The following GLIS1 variants were observed in gnomAD, a reference collection of about 807,000 sequenced individuals.
The protein encoded by GLIS1 is GLIS family zinc finger 1, also known as zinc finger protein GLIS1.
GLIS1 carries 24 observed loss-of-function variants against 63.8 expected under a neutral mutation model. The ratio of observed to expected loss-of-function variants is 0.38; its 90% confidence interval spans 0.27 to 0.53. The LOEUF is 0.53. GLIS1 is among the 20% of genes least tolerant of loss of function. GLIS1 has a pLI of 0.85. For synonymous variants in GLIS1, 450 were observed against 482.5 expected (o/e 0.93, Z 0.88); for missense variants, 1,036 against 1,074.1 (o/e 0.96, Z 0.50).
At chr1:53,683,542 G>A (rs144624509) in intron 2 of GLIS1, among the ~76,000 whole-genome samples, 25 of 152,220 alleles carry the variant, frequency 1.6e-4, no homozygotes, top group African/African-American at 5.5e-4. Context: ...GAGTTCTCAC[G>A]TGGATCACAC....
At chr1:53,666,477 C>A (rs539741806) in intron 2 of GLIS1, among the ~76,000 whole-genome samples, 32 of 152,098 alleles carry the variant, frequency 2.1e-4, no homozygotes, top group Non-Finnish European at 4.3e-4. Context: ...TTTAGAGTCC[C>A]CAAATTCCAG....
chr1:53,578,617 T>G (rs138710826), intron 4 of GLIS1, among the ~76,000 whole-genome samples: 8 of 152,246 alleles, frequency 5.3e-5, no homozygotes, highest in Admixed American at 4.6e-4. Flanking sequence ...TATCAACAAG[T>G]TGCCCTCTTT....
chr1:53,507,774 G>A (rs531184784), intron 10 of GLIS1, among the ~76,000 whole-genome samples: 2 of 152,252 alleles, frequency 1.3e-5, no homozygotes, highest in East Asian at 1.9e-4. Context: ...GGCCGGGGTG[G>A]GGTGTGGAAG....
intron 2 of GLIS1, among the ~76,000 whole-genome samples, chr1:53,649,152 T>G (rs1645878942): frequency 6.6e-6 from 1 of 152,218 alleles, no homozygotes; most frequent in African/African-American, 2.4e-5. Flanking sequence ...ATGCATAAAA[T>G]GTATGTAGAT....
Position 53,539,487 on chromosome 1 carries a change from C to T in GLIS1, c.1321-9535G>A, listed in dbSNP as rs538684684. Among the ~76,000 whole-genome samples the T allele has an allele frequency of 1.2e-4, 18 of 150,558 alleles. No individual in the cohort carries two copies. Among genetic ancestry groups the T allele is most frequent in the Middle Eastern group, 3.4e-3 (1 of 290 alleles). On this transcript the variant is annotated intron_variant, in intron 4 of 10. Transcript: ENST00000628545. The surrounding 1 kb of genome is among the most constrained non-coding windows in gnomAD (Gnocchi z 5.0). ...ATACACATCATACCTCCCACACACA[C>T]GTACCACACCCCCAACATACACACA...
intron 2 of GLIS1, among the ~76,000 whole-genome samples, chr1:53,672,378 G>A (rs895201987): frequency 3.9e-5 from 6 of 152,218 alleles, no homozygotes; most frequent in Admixed American, 3.9e-4. Context: ...ACTCAGAGCT[G>A]TATGGAGTTC....
At chr1:53,678,624 T>G (rs55888542) in intron 2 of GLIS1, among the ~76,000 whole-genome samples, 2 of 151,924 alleles carry the variant, frequency 1.3e-5, no homozygotes, top group African/African-American at 4.8e-5. Context: ...GTACCAACAG[T>G]CACCATGACT....
At chr1:53,645,412 G>A (rs1253852545) in intron 2 of GLIS1, among the ~76,000 whole-genome samples, 1 of 152,198 alleles carries the variant, frequency 6.6e-6, no homozygotes, top group Admixed American at 6.5e-5. Context: ...GGAAGAAGAT[G>A]TTGGTCTATT....
chr1:53,647,853 C>T (rs1645862917), intron 2 of GLIS1, among the ~76,000 whole-genome samples: 1 of 152,008 alleles, frequency 6.6e-6, no homozygotes, highest in South Asian at 2.1e-4. Flanking sequence ...AGATCTTCTA[C>T]ACGAAAAAAG....
rs1447900047 is a variant in GLIS1, at chr1:53,738,033, T to C, written c.32A>G (p.Asp11Gly). 6.5e-6 allele frequency: 8 copies of C among 1,230,562 alleles called. No homozygotes were observed. The highest frequency in any genetic ancestry group is 6.1e-6 in the Non-Finnish European group (6 of 987,282). 76.2% of individuals were successfully genotyped at this position (1,230,562 alleles called of 1,614,324 possible). The change falls in exon 2 of 11, where the codon GAC (aspartate) becomes GGC (glycine). Residue 11 changes from aspartate to glycine, a missense_variant. Physicochemically the swap from Asp to Gly is moderately conservative, Grantham distance 94. Around this residue, in one of 3 missense-constraint regions of GLIS1, gnomAD observed 592 missense variants for 593.9 expected, o/e 1.00. Coordinates refer to ENST00000628545, the MANE Select transcript of GLIS1 (RefSeq NM_001367484.1). ...ACCAGGGGCCTCCTTAGGCCTCTTG[T>C]CCGAGTGTGCCTCAGCCACCTCGCA... MHCEVAEAHSDKRPKEAPGAP... is the reference protein window; with the variant it reads MHCEVAEAHSGKRPKEAPGAP...
intron 2 of GLIS1, among the ~76,000 whole-genome samples, chr1:53,632,967 T>TGA (rs1645679125): frequency 7.4e-6 from 1 of 135,922 alleles, no homozygotes; most frequent in African/African-American, 2.8e-5. Context: ...GGCGTGTATA[T>TGA]GTGTGACCGA....
intron 2 of GLIS1, among the ~76,000 whole-genome samples, chr1:53,685,830 T>C (rs1646330572): frequency 6.6e-6 from 1 of 152,098 alleles, no homozygotes. Flanking sequence ...CTGTCCTCCA[T>C]CCCGCAGCCA....
intron 2 of GLIS1, among the ~76,000 whole-genome samples, chr1:53,637,637 T>C (rs903824632): frequency 2.0e-5 from 3 of 152,108 alleles, no homozygotes; most frequent in African/African-American, 7.2e-5. Flanking sequence ...ACCCATAACC[T>C]TGGGCAAGAC....
Position 53,506,640 on chromosome 1 carries a change from G to A in GLIS1, c.2367C>T (p.Pro789=), listed in dbSNP as rs1644235144. ...GAFDHCLGHI[P]SIYTDT ...TCCTTCAGGTGTCTGTGTAGATGGA[G>A]GGGATGTGGCCCAGGCAGTGGTCAA... Residue 789 remains proline, a synonymous_variant, in exon 11 of 11, where the codon CCC becomes CCT. Transcript: ENST00000628545. 6.2e-7 allele frequency: 1 copy of A among 1,611,422 alleles called. No individual in the cohort carries two copies. Among genetic ancestry groups the A allele is most frequent in the African/African-American group, 1.3e-5 (1 of 74,718 alleles).
chr1:53,509,397 T>C, intron 9 of GLIS1, 110 bp from the exon 10 acceptor site: 1 of 1,194,468 alleles, frequency 8.4e-7, no homozygotes, highest in Non-Finnish European at 1.2e-6. Flanking sequence ...GTCCAGGCAT[T>C]GTGGGTGTGA....
At chr1:53,626,406 C>G (rs1319574657) in intron 2 of GLIS1, among the ~76,000 whole-genome samples, 1 of 152,200 alleles carries the variant, frequency 6.6e-6, no homozygotes, top group Non-Finnish European at 1.5e-5. Context: ...CCTTCTGCTC[C>G]AAACCCTCTT....
chr1:53,618,292 C>T (rs1348561928), intron 2 of GLIS1, among the ~76,000 whole-genome samples: 1 of 152,242 alleles, frequency 6.6e-6, no homozygotes, highest in African/African-American at 2.4e-5. Context: ...CAGGTGAGAA[C>T]TGGGCTAGGC....
intron 2 of GLIS1, among the ~76,000 whole-genome samples, chr1:53,704,092 C>A (rs1007998345): frequency 6.6e-6 from 1 of 152,264 alleles, no homozygotes; most frequent in African/African-American, 2.4e-5. Flanking sequence ...ACTAAACAAA[C>A]AACCCTTCTC....
intron 2 of GLIS1, among the ~76,000 whole-genome samples, chr1:53,634,058 G>A (rs1352229097): frequency 1.3e-5 from 2 of 152,196 alleles, no homozygotes; most frequent in Admixed American, 6.5e-5. Flanking sequence ...GCCAAGGATG[G>A]CGCCAAAGTT....
Sources: allele counts gnomAD v4.1 joint callset (sites outside exome capture counted in the v4.1 genomes callset), GRCh38; gene constraint gnomAD v4.1.1; regional missense constraint gnomAD v4.1.1; non-coding constraint Gnocchi (gnomAD v3.1); transcripts MANE v1.5; gene names NCBI Gene and HGNC (gene_info 2026-07-23, HGNC 2026-07-21).